Variants in TIAM2 observed in about 807,000 individuals in gnomAD.
The protein encoded by TIAM2 is rho guanine nucleotide exchange factor TIAM2.
TIAM2 carries 80 observed loss-of-function variants against 152.9 expected under a neutral mutation model. That is an observed-to-expected ratio of 0.52 (90% CI 0.44 to 0.63). TIAM2 has a LOEUF of 0.63. Among genes scored for constraint, TIAM2 ranks in the 30% least tolerant of loss-of-function variants. The pLI is 0.00. For synonymous variants in TIAM2, 804 were observed against 838.0 expected, an observed-to-expected ratio of 0.96 and a Z score of 0.70; for missense variants, 1,965 against 2,120.1, an observed-to-expected ratio of 0.93 and a Z score of 1.44.
At chr6:155,159,512 T>C (rs1208048030) in intron 7 of TIAM2, among the ~76,000 whole-genome samples, 1 of 152,204 alleles carries the variant, frequency 6.6e-6, no homozygotes, top group Non-Finnish European at 1.5e-5. Context: ...GTCAAATTGC[T>C]TCTCTTCTGG....
chr6:155,123,135 T>C (rs1330124948), intron 2 of TIAM2, among the ~76,000 whole-genome samples: 1 of 152,076 alleles, frequency 6.6e-6, no homozygotes, highest in Non-Finnish European at 1.5e-5. Flanking sequence ...TTCCTGTCAA[T>C]AAATTTCTCA....
intron 9 of TIAM2, among the ~76,000 whole-genome samples, chr6:155,175,488 AG>A (rs1780738202): frequency 6.6e-6 from 1 of 152,224 alleles, no homozygotes; most frequent in African/African-American, 2.4e-5. Flanking sequence ...CTGGTATGTA[AG>A]GTGTTTCACA....
In TIAM2 at chr6:155,105,869, G is replaced by A. The variant is rs571376253; in HGVS notation, c.-118+15490G>A. On this transcript the variant is annotated intron_variant, in intron 2 of 26. Transcript: ENST00000682666. ...GTACATTTTGAAAACCTTTGATTAA[G>A]TGGTTTTCTTCTATAAAATATGAAG... Among the ~76,000 whole-genome samples, 4 of 152,070 alleles carry A rather than the reference G, an allele frequency of 2.6e-5. No homozygotes were observed. The South Asian group carries it at 8.3e-4, about 32-fold the overall frequency.
intron 1 of TIAM2, among the ~76,000 whole-genome samples, chr6:155,084,370 G>C (rs1298884065): frequency 6.6e-6 from 1 of 152,186 alleles, no homozygotes; most frequent in African/African-American, 2.4e-5. Flanking sequence ...GAACAGAATA[G>C]ATATTCAACA....
rs866071282 is a variant in TIAM2 at position 155,218,056 on chromosome 6, G to A, written c.3168+6749G>A. 1.3e-5 allele frequency among the ~76,000 whole-genome samples: 2 copies of A among 151,994 alleles called. No homozygotes were observed. Among genetic ancestry groups the A allele is most frequent in the African/African-American group, 2.4e-5 (1 of 41,296 alleles). On this transcript the variant is annotated intron_variant, in intron 15 of 26. Coordinates refer to ENST00000682666, the MANE Select transcript of TIAM2 (RefSeq NM_012454.4). The surrounding 1 kb of genome is among the most constrained non-coding windows in gnomAD (Gnocchi z 4.5). ...GCTTTCCAGCATTCTTGGAGTTTTC[G>A]TCTTCCTTTGGTGTATACTTGCCTG... is the stretch of plus-strand genomic sequence containing the variant.
intron 1 of TIAM2, among the ~76,000 whole-genome samples, chr6:155,002,963 G>A (rs975696674): frequency 6.6e-6 from 1 of 151,970 alleles, no homozygotes; most frequent in Non-Finnish European, 1.5e-5. Flanking sequence ...CAAAGTGTTG[G>A]GATTATAGGT....
chr6:155,035,178 GT>G (rs1776898937), intron 1 of TIAM2, among the ~76,000 whole-genome samples: 1 of 129,054 alleles, frequency 7.7e-6, no homozygotes, highest in African/African-American at 2.6e-5. Flanking sequence ...AGTGATGTAA[GT>G]TTTGTTTTGC....
intron 1 of TIAM2, among the ~76,000 whole-genome samples, chr6:155,033,810 G>A (rs1002357332): frequency 6.6e-6 from 1 of 150,920 alleles, no homozygotes; most frequent in Non-Finnish European, 1.5e-5. Flanking sequence ...TCCCCCTCCC[G>A]GGTTCAAGCA....
At chr6:155,185,821 G>A (rs1264803892) in intron 14 of TIAM2, among the ~76,000 whole-genome samples, 3 of 152,026 alleles carry the variant, frequency 2.0e-5, no homozygotes, top group Non-Finnish European at 4.4e-5. Context: ...GCAGCGCCCC[G>A]CCCACCTCTG....
intron 1 of TIAM2, among the ~76,000 whole-genome samples, chr6:155,060,292 C>T (rs548492610): frequency 2.6e-5 from 4 of 152,196 alleles, no homozygotes; most frequent in South Asian, 4.1e-4. Flanking sequence ...ATTCCAGCTA[C>T]TCAGGAGGCT....
intron 9 of TIAM2, among the ~76,000 whole-genome samples, chr6:155,168,255 C>G (rs1290768259): frequency 2.0e-5 from 3 of 152,008 alleles, no homozygotes; most frequent in African/African-American, 7.3e-5. Context: ...TTATTCTGTG[C>G]ACATTAAAAA....
At chr6:155,210,253 T>G (rs1232624089) in intron 14 of TIAM2, among the ~76,000 whole-genome samples, 1 of 151,992 alleles carries the variant, frequency 6.6e-6, no homozygotes, top group Non-Finnish European at 1.5e-5. Flanking sequence ...TACTTAAATT[T>G]TAAATTTTCA....
chr6:155,050,244 C>A (rs1777287796), intron 1 of TIAM2, among the ~76,000 whole-genome samples: 1 of 152,164 alleles, frequency 6.6e-6, no homozygotes, highest in Admixed American at 6.5e-5. Flanking sequence ...GTTGGCCAGG[C>A]TGGTCTCGTG....
chr6:155,233,195 A>G (rs566615840), intron 15 of TIAM2, among the ~76,000 whole-genome samples: 1 of 152,366 alleles, frequency 6.6e-6, no homozygotes, highest in East Asian at 1.9e-4. Context: ...CCTACCCCGT[A>G]GTAGTTTAAA....
chr6:155,043,268 A>G (rs1583165126), intron 1 of TIAM2, among the ~76,000 whole-genome samples: 1 of 152,118 alleles, frequency 6.6e-6, no homozygotes, highest in East Asian at 1.9e-4. Context: ...AGCACTGGCT[A>G]CACATGAGAA....
intron 1 of TIAM2, among the ~76,000 whole-genome samples, chr6:155,022,786 G>A (rs555127549): frequency 6.6e-6 from 1 of 152,222 alleles, no homozygotes; most frequent in Non-Finnish European, 1.5e-5. Flanking sequence ...AGAAGTTAAA[G>A]CTTACTGAAG....
At chr6:155,027,617 C>A (rs1776638233) in intron 1 of TIAM2, among the ~76,000 whole-genome samples, 1 of 56,350 alleles carries the variant, frequency 1.8e-5, no homozygotes, top group African/African-American at 7.8e-5. Context: ...AATATATGTA[C>A]TGTGTTACAT....
intron 2 of TIAM2, among the ~76,000 whole-genome samples, chr6:155,117,799 C>T (rs1406301611): frequency 1.3e-5 from 2 of 152,182 alleles, no homozygotes; most frequent in Non-Finnish European, 2.9e-5. Flanking sequence ...ATCTCTCTCC[C>T]TCCAGGCACA....
intron 1 of TIAM2, among the ~76,000 whole-genome samples, chr6:154,999,112 C>G (rs980344457): frequency 2.0e-5 from 3 of 151,936 alleles, no homozygotes; most frequent in Non-Finnish European, 4.4e-5. Context: ...GTTTGTATTT[C>G]TTAAATGCCA....
Sources: gnomAD v4.1 joint callset for allele counts (sites outside exome capture counted in the v4.1 genomes callset) on GRCh38, gnomAD v4.1.1 for gene constraint, Gnocchi (gnomAD v3.1) non-coding constraint, MANE v1.5 for transcripts, NCBI Gene and HGNC (gene_info 2026-07-23, HGNC 2026-07-21) for gene names.